Variants in TRAIP observed in about 807,000 individuals in gnomAD.
The protein encoded by TRAIP is E3 ubiquitin-protein ligase TRAIP.
In TRAIP, 37 loss-of-function variants were observed where a neutral mutation model predicts 65.0. The observed-to-expected ratio is 0.57, with a 90% CI of 0.44 to 0.75. The LOEUF (loss-of-function observed/expected upper bound fraction) is 0.75. Ranked by LOEUF, TRAIP falls within the 30% of genes least tolerant of loss-of-function variation. The pLI, the probability that TRAIP is intolerant of heterozygous loss-of-function variation, is 0.00. For missense variants in TRAIP, 481 were observed against 579.4 expected, an observed-to-expected ratio of 0.83 and a Z score of 1.74; for synonymous variants, 187 against 219.1, an observed-to-expected ratio of 0.85 and a Z score of 1.29.
chr3:49,849,150 A>T (rs1251325098), intron 1 of TRAIP, among the ~76,000 whole-genome samples: 2 of 151,752 alleles, frequency 1.3e-5, no homozygotes, highest in African/African-American at 4.8e-5. Context: ...CAGCCATAAA[A>T]TTTTTTTAAA....
intron 11 of TRAIP, among the ~76,000 whole-genome samples, chr3:49,831,224 C>T (rs1317361270): frequency 2.0e-5 from 3 of 152,230 alleles, no homozygotes; most frequent in African/African-American, 7.2e-5. Context: ...TGTCTAGCAT[C>T]TCAGTTTCTT....
Position 49,853,040 on chromosome 3 carries a change from T to G in TRAIP, c.98+3316A>C, listed in dbSNP as rs182481177. Among the ~76,000 whole-genome samples, 163 of 151,290 alleles carry G rather than the reference T, an allele frequency of 1.1e-3. 1 individual carries two copies. Among genetic ancestry groups the G allele is most frequent in the African/African-American group, 3.9e-3 (162 of 41,176 alleles). Reference sequence around the variant, plus strand: ...GGGAGGCTGAGGCAGGAGAATTGCTTGAACCAGGGAGGTGGAGGTTGCAGT... The same window carrying G: ...GGGAGGCTGAGGCAGGAGAATTGCTGGAACCAGGGAGGTGGAGGTTGCAGT... On this transcript the variant is annotated intron_variant, in intron 1 of 14. Transcript: ENST00000331456.
intron 1 of TRAIP, among the ~76,000 whole-genome samples, chr3:49,856,021 A>G (rs74574798): frequency 0.012 from 1,808 of 152,344 alleles, 41 homozygotes; most frequent in African/African-American, 0.042. Flanking sequence ...TTCTATCTGG[A>G]AGAAATAAAA....
chr3:49,852,814 C>T (rs910109424), intron 1 of TRAIP, among the ~76,000 whole-genome samples: 5 of 151,386 alleles, frequency 3.3e-5, no homozygotes, highest in South Asian at 2.1e-4. Flanking sequence ...TAATGAATCC[C>T]GAGCAGAATT....
intron 1 of TRAIP, among the ~76,000 whole-genome samples, chr3:49,851,561 AT>A (rs536075214): frequency 1.4e-4 from 21 of 148,920 alleles, no homozygotes; most frequent in Non-Finnish European, 2.7e-4. Context: ...GGTAATTTAT[AT>A]TTTTTTCACT....
chr3:49,849,840 C>CTTTTTTTTT (rs1185587392), intron 1 of TRAIP, among the ~76,000 whole-genome samples: 63 of 89,868 alleles, frequency 7.0e-4, no homozygotes, highest in African/African-American at 1.7e-3. Flanking sequence ...CTTTTCTTTT[C>CTTTTTTTTT]TTTTTTTTTT....
intron 7 of TRAIP, 46 bp from the exon 8 acceptor site, chr3:49,841,118 G>A: frequency 6.6e-7 from 1 of 1,520,930 alleles, no homozygotes; most frequent in South Asian, 1.1e-5. Context: ...AACACCTGCA[G>A]GTCAGACTGA....
intron 3 of TRAIP, 33 bp downstream of exon 3, chr3:49,847,492 G>A (rs767323414): frequency 7.1e-7 from 1 of 1,401,980 alleles, no homozygotes; most frequent in South Asian, 1.2e-5. Flanking sequence ...CACAAGGCTT[G>A]GAGTTCAGTA....
At chr3:49,848,001 G>A (rs192199436) in intron 2 of TRAIP, 142 bp downstream of exon 2, 5 of 880,908 alleles carry the variant, frequency 5.7e-6, no homozygotes, top group African/African-American at 1.7e-5. Flanking sequence ...ACACTCAAGG[G>A]CACAAGTGAG....
rs371308727 is a variant in TRAIP at position 49,843,865 on chromosome 3, T to C, written c.344A>G (p.Asn115Ser). 1.7e-5 allele frequency: 27 copies of C among 1,613,784 alleles called. No homozygotes were observed. Among genetic ancestry groups the C allele is most frequent in the Non-Finnish European group, 2.0e-5 (24 of 1,179,776 alleles). Residue 115 changes from asparagine (N) to serine (S), a missense_variant, in exon 5 of 15, where the codon AAT becomes AGT. By Grantham distance (46) the Asn-to-Ser change is conservative. Transcript: ENST00000331456. ...CTGCTGCAGAGATACCACAGTAGCATTGCGTTCTTCCAGCGTATCCCGCAG... is the reference window on the plus strand; with the variant it reads ...CTGCTGCAGAGATACCACAGTAGCACTGCGTTCTTCCAGCGTATCCCGCAG... ...DTLRDTLEERNATVVSLQQAL... is the reference protein window; with the variant it reads ...DTLRDTLEERSATVVSLQQAL...
chr3:49,833,695 G>A lies in TRAIP; in HGVS notation c.885-1627C>T, dbSNP rs143963296. 4.4e-3 allele frequency among the ~76,000 whole-genome samples: 669 copies of A among 152,188 alleles called. 5 individuals carry two copies. Among genetic ancestry groups the A allele is most frequent in the African/African-American group, 0.015 (636 of 41,518 alleles). ...GGGGTTACACCGTGTTAGCCAGGAT[G>A]GTCTCGCTCTCCTGACCTCGTGATC... On this transcript the variant is annotated intron_variant, in intron 10 of 14. Coordinates refer to ENST00000331456, the MANE Select transcript of TRAIP (RefSeq NM_005879.3).
chr3:49,832,208 C>T, intron 10 of TRAIP, 140 bp from the exon 11 acceptor site: 1 of 987,958 alleles, frequency 1.0e-6, no homozygotes. Context: ...GAGCCCTACT[C>T]TCGGCCAGGC....
chr3:49,845,826 T>C (rs1405377609), intron 3 of TRAIP, among the ~76,000 whole-genome samples: 1 of 152,204 alleles, frequency 6.6e-6, no homozygotes, highest in Non-Finnish European at 1.5e-5. Flanking sequence ...TACTTAAAAC[T>C]GGGAGCAGTT....
At chr3:49,838,009 TA>T (rs1213127586) in intron 10 of TRAIP, among the ~76,000 whole-genome samples, 1 of 152,082 alleles carries the variant, frequency 6.6e-6, no homozygotes, top group African/African-American at 2.4e-5. Flanking sequence ...TAACTAGAAC[TA>T]CAAGTGTGTG....
chr3:49,829,950 C>T (rs2081717886), intron 12 of TRAIP, 70 bp downstream of exon 12: 2 of 1,603,714 alleles, frequency 1.2e-6, no homozygotes, highest in South Asian at 1.1e-5. Flanking sequence ...AAGGCTCTGG[C>T]AAGACCGTGC....
At chr3:49,850,898 C>T (rs2081924715) in intron 1 of TRAIP, among the ~76,000 whole-genome samples, 1 of 151,728 alleles carries the variant, frequency 6.6e-6, no homozygotes, top group African/African-American at 2.4e-5. Context: ...CCACCCGCCT[C>T]GGACTCCCAA....
chr3:49,841,632 G>GGGT (rs1254307351), intron 7 of TRAIP, among the ~76,000 whole-genome samples, 194 bp downstream of exon 7: 1 of 152,252 alleles, frequency 6.6e-6, no homozygotes, highest in African/African-American at 2.4e-5. Flanking sequence ...AGGAAGTTGA[G>GGGT]GGTCAAAGAG....
At chr3:49,849,564 G>A (rs910237748) in intron 1 of TRAIP, among the ~76,000 whole-genome samples, 70 of 151,988 alleles carry the variant, frequency 4.6e-4, no homozygotes, top group Middle Eastern at 3.2e-3. Flanking sequence ...GGCGGAGATT[G>A]CAGTGAGCTG....
At chr3:49,847,318 G>T (rs905736225) in intron 3 of TRAIP, among the ~76,000 whole-genome samples, 2 of 151,574 alleles carry the variant, frequency 1.3e-5, no homozygotes, top group African/African-American at 2.4e-5. Flanking sequence ...GGAGTTTGAG[G>T]TTATAGTGAG....
Sources: allele counts gnomAD v4.1 joint callset (sites outside exome capture counted in the v4.1 genomes callset), GRCh38; gene constraint gnomAD v4.1.1; transcripts MANE v1.5; gene names NCBI Gene and HGNC (gene_info 2026-07-23, HGNC 2026-07-21).